The following FRMD3 variants were observed in gnomAD, a reference collection of about 807,000 sequenced individuals.
FRMD3 encodes FERM domain containing 3.
Under a neutral mutation model 70.2 loss-of-function variants are expected in FRMD3, and 33 were observed. The observed-to-expected ratio is 0.47, with a 90% CI of 0.36 to 0.63. The LOEUF (loss-of-function observed/expected upper bound fraction) is 0.63. Among genes scored for constraint, FRMD3 ranks in the 20% least tolerant of loss-of-function variants. The pLI, the probability that FRMD3 is intolerant of heterozygous loss-of-function variation, is 0.00. For synonymous variants in FRMD3, 279 were observed against 255.9 expected, an observed-to-expected ratio of 1.09 and a Z score of -0.86; for missense variants, 632 against 711.4, an observed-to-expected ratio of 0.89 and a Z score of 1.27.
chr9:83,479,946 T>C (rs898877800), intron 1 of FRMD3, among the ~76,000 whole-genome samples: 2 of 152,156 alleles, frequency 1.3e-5, no homozygotes, highest in African/African-American at 4.8e-5. Context: ...CTCACAATAC[T>C]AAGTGTTGGA....
intron 1 of FRMD3, among the ~76,000 whole-genome samples, chr9:83,488,584 CT>C (rs1306934243): frequency 6.6e-6 from 1 of 152,222 alleles, no homozygotes; most frequent in Non-Finnish European, 1.5e-5. Flanking sequence ...AATACTTCCA[CT>C]TTCCTAATAT....
chr9:83,423,305 C>T (rs1233964495), intron 1 of FRMD3, among the ~76,000 whole-genome samples: 4 of 152,178 alleles, frequency 2.6e-5, no homozygotes, highest in Non-Finnish European at 5.9e-5. Flanking sequence ...GCAAGAGTGT[C>T]AGGAATGCTG....
rs541970296 is a variant in FRMD3 at position 83,349,666 on chromosome 9, A to G, written c.374+13T>C. On this transcript the variant is annotated intron_variant, in intron 4 of 13. Transcript: ENST00000304195. ...AAAGGTGCACGTTAAACATACAAAC[A>G]AACAAAAAATACCTTGTGAGCTCTT... 6.3e-7 allele frequency: 1 copy of G among 1,598,296 alleles called. No homozygotes were observed. Among genetic ancestry groups the G allele is most frequent in the East Asian group, 2.2e-5 (1 of 44,764 alleles).
chr9:83,483,311 C>T (rs925390183), intron 1 of FRMD3, among the ~76,000 whole-genome samples: 3 of 152,154 alleles, frequency 2.0e-5, no homozygotes, highest in African/African-American at 7.2e-5. Context: ...AAGGCCTTCC[C>T]AACCAGGCTT....
intron 1 of FRMD3, among the ~76,000 whole-genome samples, chr9:83,411,592 A>C (rs900161486): frequency 1.3e-5 from 2 of 152,210 alleles, no homozygotes; most frequent in African/African-American, 4.8e-5. Context: ...CTAATTGTCT[A>C]GGTGAGTGGA....
the FRMD3 span, among the ~76,000 whole-genome samples, chr9:83,559,771 A>G: frequency 1.3e-5 from 2 of 152,226 alleles, no homozygotes; most frequent in African/African-American, 4.8e-5. Context: ...TACACTTTAA[A>G]TGATATTTCT....
chr9:83,559,810 T>G, the FRMD3 span, among the ~76,000 whole-genome samples: 1 of 152,118 alleles, frequency 6.6e-6, no homozygotes, highest in South Asian at 2.1e-4. Flanking sequence ...AATAAAATAA[T>G]TCAGATCATA....
At position 83,511,062 on chromosome 9, in the gene FRMD3, C is replaced by A. The variant is rs978973480; in HGVS notation, c.147+27023G>T. On this transcript the variant is annotated intron_variant, in intron 1 of 13. Coordinates refer to ENST00000304195, the MANE Select transcript of FRMD3 (RefSeq NM_174938.6). ...TCAAAAAAGAGATGTGGGAGGATCC[C>A]ACTCACAGACTCCCAACAGCACCAA... Among the ~76,000 whole-genome samples the A allele has an allele frequency of 1.3e-4, 20 of 152,178 alleles. 1 individual carries two copies. Among genetic ancestry groups the A allele is most frequent in the African/African-American group, 4.8e-4 (20 of 41,434 alleles).
intron 12 of FRMD3, among the ~76,000 whole-genome samples, chr9:83,296,572 C>A (rs1834669756): frequency 6.6e-6 from 1 of 152,072 alleles, no homozygotes; most frequent in Non-Finnish European, 1.5e-5. Context: ...CTGCAAAGAA[C>A]CATGGAGGCA....
At chr9:83,412,019 A>G (rs560311728) in intron 1 of FRMD3, among the ~76,000 whole-genome samples, 1 of 152,342 alleles carries the variant, frequency 6.6e-6, no homozygotes, top group Non-Finnish European at 1.5e-5. Context: ...AGCAAAGTAG[A>G]CAAACCATCC....
intron 1 of FRMD3, among the ~76,000 whole-genome samples, chr9:83,418,873 C>T (rs1165979206): frequency 6.6e-6 from 1 of 152,138 alleles, no homozygotes; most frequent in African/African-American, 2.4e-5. Context: ...CCTTTGTGAA[C>T]CAACCTAAGT....
At chr9:83,558,689 A>G in the FRMD3 span, among the ~76,000 whole-genome samples, 1 of 152,216 alleles carries the variant, frequency 6.6e-6, no homozygotes, top group Admixed American at 6.5e-5. Flanking sequence ...CTGGAATAAT[A>G]AACTGAAAAC....
At position 83,507,724 on chromosome 9, in the gene FRMD3, A is replaced by ATC. The variant is rs1564109305; in HGVS notation, c.147+30360_147+30361insGA. Among the ~76,000 whole-genome samples, 16 of 110,996 alleles carry ATC rather than the reference A, an allele frequency of 1.4e-4. No homozygotes were observed. In the South Asian group the frequency reaches 2.1e-3, roughly 14 times the overall value. 72.8% of individuals were successfully genotyped at this position (110,996 alleles called of 152,430 possible). On this transcript the variant is annotated intron_variant, in intron 1 of 13. Coordinates refer to ENST00000304195, the MANE Select transcript of FRMD3 (RefSeq NM_174938.6). The stretch of plus-strand genomic sequence containing the variant: ...TATATATATATATATATATATATAT[A>ATC]TATATATATATATATCTTCTGGAAT...
intron 13 of FRMD3, among the ~76,000 whole-genome samples, chr9:83,273,226 T>C (rs1247025767): frequency 6.6e-6 from 1 of 152,114 alleles, no homozygotes; most frequent in African/African-American, 2.4e-5. Context: ...AGAAATCAGA[T>C]TGTTGCTGTG....
chr9:83,270,651 C>T (rs538337704), intron 13 of FRMD3, among the ~76,000 whole-genome samples: 18 of 152,300 alleles, frequency 1.2e-4, no homozygotes, highest in African/African-American at 2.2e-4. Context: ...CTGGCTGCAT[C>T]GTTTATCATC....
Position 83,537,982 on chromosome 9 carries a change from A to G in FRMD3, c.147+103T>C, listed in dbSNP as rs1399030964. On this transcript the variant is annotated intron_variant, in intron 1 of 13. Coordinates refer to ENST00000304195, the MANE Select transcript of FRMD3 (RefSeq NM_174938.6). This position sits in a 1 kb window ranked among gnomAD's most constrained non-coding sequence, Gnocchi z 4.1. ...AATCTGGCTTTCTAGCAGTCCCCCAATCCCCTCCGGGAGTGGGTTCCTTGT... is the reference window on the plus strand; with the variant it reads ...AATCTGGCTTTCTAGCAGTCCCCCAGTCCCCTCCGGGAGTGGGTTCCTTGT... The G allele has an allele frequency of 2.3e-6, 3 of 1,324,772 alleles. No homozygotes were observed. The highest frequency in any genetic ancestry group is 1.4e-5 in the African/African-American group (1 of 69,002). The allele number at this position is 1,324,772 out of a possible 1,614,324, so 82.1% of individuals were successfully genotyped here. A position where few individuals can be genotyped will look rare whatever the true frequency, so the allele number is the denominator to read the frequency against.
At chr9:83,328,367 G>T (rs1184558432) in intron 6 of FRMD3, among the ~76,000 whole-genome samples, 1 of 152,144 alleles carries the variant, frequency 6.6e-6, no homozygotes, top group Non-Finnish European at 1.5e-5. Context: ...GAACTTTATG[G>T]CAACTGGTTC....
intron 1 of FRMD3, among the ~76,000 whole-genome samples, chr9:83,422,180 G>A (rs1826666405): frequency 6.6e-6 from 1 of 151,952 alleles, no homozygotes; most frequent in African/African-American, 2.4e-5. Flanking sequence ...AGCCAAGATT[G>A]TGCCACTGCA....
intron 2 of FRMD3, among the ~76,000 whole-genome samples, chr9:83,379,213 T>A (rs187853303): frequency 2.7e-4 from 41 of 152,240 alleles, no homozygotes; most frequent in African/African-American, 9.9e-4. Flanking sequence ...GCCAGTGAAG[T>A]GGAGTCTGGA....
Sources: allele counts gnomAD v4.1 joint callset (sites outside exome capture counted in the v4.1 genomes callset), GRCh38; gene constraint gnomAD v4.1.1; non-coding constraint Gnocchi (gnomAD v3.1); transcripts MANE v1.5; gene names NCBI Gene and HGNC (gene_info 2026-07-23, HGNC 2026-07-21).